The following ADAMTSL1 variants were observed in gnomAD, a reference collection of about 807,000 sequenced individuals.
The protein encoded by ADAMTSL1 is ADAMTS like 1.
In ADAMTSL1, 126 loss-of-function variants were observed where a neutral mutation model predicts 201.8. The observed-to-expected ratio is 0.62, with a 90% CI of 0.54 to 0.72. ADAMTSL1 has a LOEUF of 0.72. Ranked by LOEUF, ADAMTSL1 falls within the 30% of genes least tolerant of loss-of-function variation. The pLI is 0.00. For missense variants in ADAMTSL1, 2,679 were observed against 2,277.8 expected (o/e 1.18, Z -3.59); for synonymous variants, 1,121 against 903.4 (o/e 1.24, Z -4.32).
At chr9:18,693,583 G>A (rs1267103760) in intron 13 of ADAMTSL1, among the ~76,000 whole-genome samples, 1 of 152,164 alleles carries the variant, frequency 6.6e-6, no homozygotes, top group Non-Finnish European at 1.5e-5. Context: ...TCTTTTGGCT[G>A]TTGCCTCTTT....
chr9:17,943,008 A>G (rs972725720), intron 1 of ADAMTSL1, among the ~76,000 whole-genome samples: 1 of 152,042 alleles, frequency 6.6e-6, no homozygotes, highest in African/African-American at 2.4e-5. Flanking sequence ...TGCAGCCTCA[A>G]TCTCCTGGTC....
intron 2 of ADAMTSL1, among the ~76,000 whole-genome samples, chr9:18,210,654 C>A (rs1050520616): frequency 6.6e-6 from 1 of 151,400 alleles, no homozygotes; most frequent in Non-Finnish European, 1.5e-5. Context: ...GGATAAGAAT[C>A]ATTGGCATTA....
intron 23 of ADAMTSL1, among the ~76,000 whole-genome samples, chr9:18,840,406 G>A (rs1825640297): frequency 6.6e-6 from 1 of 152,056 alleles, no homozygotes; most frequent in Admixed American, 6.5e-5. Flanking sequence ...TCTCTGTTTT[G>A]GTACCAGTAC....
intron 20 of ADAMTSL1, among the ~76,000 whole-genome samples, chr9:18,799,345 C>T (rs1397146447): frequency 1.3e-5 from 2 of 152,222 alleles, no homozygotes; most frequent in African/African-American, 4.8e-5. Flanking sequence ...GGAGAATCAT[C>T]TTGGCTGTTA....
intron 1 of ADAMTSL1, among the ~76,000 whole-genome samples, chr9:17,907,583 G>A (rs920635027): frequency 6.6e-6 from 1 of 152,152 alleles, no homozygotes; most frequent in Non-Finnish European, 1.5e-5. Flanking sequence ...GGGCCACACG[G>A]GGTGTATAAG....
At chr9:18,866,317 T>TAC (rs1234758838) in intron 23 of ADAMTSL1, among the ~76,000 whole-genome samples, 1 of 152,174 alleles carries the variant, frequency 6.6e-6, no homozygotes, top group East Asian at 1.9e-4. Context: ...GAGCACTGTG[T>TAC]ACACACAGAG....
chr9:18,339,135 G>A (rs1835364456), intron 2 of ADAMTSL1, among the ~76,000 whole-genome samples: 1 of 152,122 alleles, frequency 6.6e-6, no homozygotes, highest in Non-Finnish European at 1.5e-5. Flanking sequence ...AAGAGCTTCT[G>A]CACAGCAAAA....
At chr9:17,959,367 T>A (rs1817631285) in intron 1 of ADAMTSL1, among the ~76,000 whole-genome samples, 1 of 152,218 alleles carries the variant, frequency 6.6e-6, no homozygotes, top group African/African-American at 2.4e-5. Context: ...TAGAAATAGA[T>A]GATACCCTCC....
chr9:18,640,297 T>A (rs1397784071), intron 7 of ADAMTSL1, among the ~76,000 whole-genome samples: 1 of 152,132 alleles, frequency 6.6e-6, no homozygotes, highest in Non-Finnish European at 1.5e-5. Context: ...CTACAAGCCA[T>A]CCGAGGTAGC....
chr9:18,201,415 C>G (rs1317060671), intron 2 of ADAMTSL1, among the ~76,000 whole-genome samples: 3 of 151,932 alleles, frequency 2.0e-5, no homozygotes, highest in Non-Finnish European at 4.4e-5. Flanking sequence ...TATTTAGTTA[C>G]TTTCATATAG....
chr9:18,033,760 G>A (rs892934998), intron 1 of ADAMTSL1, among the ~76,000 whole-genome samples: 3 of 152,168 alleles, frequency 2.0e-5, no homozygotes, highest in Non-Finnish European at 2.9e-5. Context: ...ACTATAATCA[G>A]CATCTACTGT....
intron 4 of ADAMTSL1, among the ~76,000 whole-genome samples, chr9:18,604,667 A>G (rs1399970808): frequency 6.6e-6 from 1 of 152,184 alleles, no homozygotes; most frequent in Non-Finnish European, 1.5e-5. Flanking sequence ...ATCTATGGAC[A>G]CTTGGGTTGT....
chr9:18,364,933 C>G (rs746117885), intron 2 of ADAMTSL1, among the ~76,000 whole-genome samples: 3 of 152,046 alleles, frequency 2.0e-5, no homozygotes, highest in Non-Finnish European at 4.4e-5. Context: ...CATCAGAACT[C>G]CGCCCCCATG....
intron 7 of ADAMTSL1, among the ~76,000 whole-genome samples, chr9:18,649,178 A>C (rs1828026068): frequency 6.6e-6 from 1 of 152,126 alleles, no homozygotes; most frequent in African/African-American, 2.4e-5. Flanking sequence ...AGTTGATTGC[A>C]TCAGCTCCTG....
At chr9:18,258,059 A>G (rs13298867) in intron 2 of ADAMTSL1, among the ~76,000 whole-genome samples, 42 of 152,180 alleles carry the variant, frequency 2.8e-4, no homozygotes, top group Non-Finnish European at 4.9e-4. Context: ...CTGCACAACA[A>G]TGTGAATGAA....
At chr9:18,619,094 G>A (rs189257873) in intron 4 of ADAMTSL1, among the ~76,000 whole-genome samples, 7 of 152,230 alleles carry the variant, frequency 4.6e-5, no homozygotes, top group Non-Finnish European at 8.8e-5. Flanking sequence ...AAAGAATAGG[G>A]AAAGAGTATT....
At chr9:18,847,952 A>T (rs1443862529) in intron 23 of ADAMTSL1, among the ~76,000 whole-genome samples, 1 of 152,262 alleles carries the variant, frequency 6.6e-6, no homozygotes, top group Non-Finnish European at 1.5e-5. Flanking sequence ...CTTTTCCAGC[A>T]TTAGACAGGG....
At chr9:18,426,064 G>A (rs1819206358) in intron 2 of ADAMTSL1, among the ~76,000 whole-genome samples, 1 of 152,126 alleles carries the variant, frequency 6.6e-6, no homozygotes, top group Admixed American at 6.5e-5. Flanking sequence ...CGTCAAAAGT[G>A]TGGCTGTAGT....
intron 1 of ADAMTSL1, among the ~76,000 whole-genome samples, chr9:17,994,676 T>G (rs1474431467): frequency 6.6e-6 from 1 of 152,194 alleles, no homozygotes; most frequent in Non-Finnish European, 1.5e-5. Flanking sequence ...TAAATCTGAA[T>G]GCTGTCAGGT....
Sources: gnomAD v4.1 joint callset for allele counts (sites outside exome capture counted in the v4.1 genomes callset) on GRCh38, gnomAD v4.1.1 for gene constraint, MANE v1.5 for transcripts, NCBI Gene and HGNC (gene_info 2026-07-23, HGNC 2026-07-21) for gene names.